The following CCSER1 variants were observed in gnomAD, a reference collection of about 807,000 sequenced individuals.
CCSER1 encodes coiled-coil serine rich protein 1.
CCSER1 carries 41 observed loss-of-function variants against 82.0 expected under a neutral mutation model. That is an observed-to-expected ratio of 0.50 (90% CI 0.39 to 0.65). CCSER1 has a LOEUF of 0.65. Among genes scored for constraint, CCSER1 ranks in the 30% least tolerant of loss-of-function variants. The probability of loss-of-function intolerance (pLI) is 0.00; values close to 1 mark genes in which losing one functional copy is unlikely to be tolerated. For missense variants in CCSER1, 1,119 were observed against 1,064.2 expected, an observed-to-expected ratio of 1.05 and a Z score of -0.72; for synonymous variants, 414 against 383.9, an observed-to-expected ratio of 1.08 and a Z score of -0.92.
chr4:91,585,889 G>A (rs1171875937), intron 10 of CCSER1, among the ~76,000 whole-genome samples: 3 of 151,640 alleles, frequency 2.0e-5, no homozygotes, highest in East Asian at 1.9e-4. Flanking sequence ...AAATTCAGTA[G>A]GAAGGTATTG....
At position 90,930,528 on chromosome 4, in the gene CCSER1, T is replaced by C. The variant is rs190040398; in HGVS notation, c.2172+7081T>C. ...CTCAGAGACTGAGGCAGGAGAATGG[T>C]GTAAAACCAGGGAGGCGTAGCTTGC... On this transcript the variant is annotated intron_variant, in intron 9 of 10. Coordinates refer to ENST00000509176, the MANE Select transcript of CCSER1 (RefSeq NM_001145065.2). Among the ~76,000 whole-genome samples, 102 of 151,618 alleles carry C rather than the reference T, an allele frequency of 6.7e-4. 1 individual carries two copies. Among genetic ancestry groups the C allele is most frequent in the African/African-American group, 2.3e-3 (94 of 41,300 alleles).
At chr4:90,415,031 A>G (rs979624911) in intron 4 of CCSER1, among the ~76,000 whole-genome samples, 4 of 152,228 alleles carry the variant, frequency 2.6e-5, no homozygotes, top group African/African-American at 9.6e-5. Flanking sequence ...GATAAGGTTA[A>G]GGCACAAAAA....
At chr4:91,289,784 A>T (rs1249456995) in intron 10 of CCSER1, among the ~76,000 whole-genome samples, 13 of 152,162 alleles carry the variant, frequency 8.5e-5, no homozygotes, top group Admixed American at 6.6e-4. Flanking sequence ...GAAGAGAGAA[A>T]ACAATAAAGA....
At chr4:91,459,635 C>G (rs1756389036) in intron 10 of CCSER1, among the ~76,000 whole-genome samples, 1 of 151,810 alleles carries the variant, frequency 6.6e-6, no homozygotes, top group Admixed American at 6.6e-5. Context: ...ATCAGAAGTT[C>G]TTGGGAAAAA....
At chr4:90,178,263 G>T (rs550243444) in intron 1 of CCSER1, among the ~76,000 whole-genome samples, 1 of 152,078 alleles carries the variant, frequency 6.6e-6, no homozygotes, top group African/African-American at 2.4e-5. Flanking sequence ...GGAATTTCAT[G>T]GTTGCTTTTG....
At chr4:90,909,415 C>T (rs1223081776) in intron 8 of CCSER1, among the ~76,000 whole-genome samples, 6 of 152,090 alleles carry the variant, frequency 3.9e-5, no homozygotes, top group Non-Finnish European at 7.4e-5. Flanking sequence ...CAGCACACAT[C>T]TATACTTCAC....
chr4:91,049,407 A>G (rs1165833788), intron 9 of CCSER1, among the ~76,000 whole-genome samples: 1 of 152,210 alleles, frequency 6.6e-6, no homozygotes, highest in African/African-American at 2.4e-5. Context: ...ACAAATGGTG[A>G]TATCAGGAAT....
At chr4:90,686,355 T>C (rs1734816832) in intron 6 of CCSER1, among the ~76,000 whole-genome samples, 2 of 152,108 alleles carry the variant, frequency 1.3e-5, no homozygotes, top group East Asian at 3.9e-4. Context: ...TTGTCTCCTT[T>C]ACTAGATGAA....
intron 10 of CCSER1, among the ~76,000 whole-genome samples, chr4:91,252,417 G>A (rs1316064070): frequency 6.6e-6 from 1 of 152,018 alleles, no homozygotes; most frequent in African/African-American, 2.4e-5. Context: ...TTTAAATAAA[G>A]ATAAGTACAT....
intron 10 of CCSER1, among the ~76,000 whole-genome samples, chr4:91,441,706 G>A (rs1482634722): frequency 1.3e-5 from 2 of 152,136 alleles, no homozygotes; most frequent in Non-Finnish European, 2.9e-5. Flanking sequence ...TGACATGACT[G>A]TATATCTAGA....
intron 6 of CCSER1, among the ~76,000 whole-genome samples, chr4:90,698,404 T>G (rs1346375308): frequency 1.3e-5 from 2 of 152,132 alleles, no homozygotes; most frequent in Non-Finnish European, 2.9e-5. Flanking sequence ...CAGGAACTCT[T>G]AAGATAAAAT....
intron 10 of CCSER1, among the ~76,000 whole-genome samples, chr4:91,464,008 A>G (rs1438608702): frequency 1.3e-5 from 2 of 152,196 alleles, no homozygotes; most frequent in Non-Finnish European, 2.9e-5. Flanking sequence ...AGAGAATGCC[A>G]CAAAGATATT....
chr4:90,313,749 C>T (rs1001779385), intron 3 of CCSER1, among the ~76,000 whole-genome samples: 9 of 151,988 alleles, frequency 5.9e-5, no homozygotes, highest in South Asian at 2.1e-4. Flanking sequence ...AGATGAGGGG[C>T]GAACTGCAGC....
intron 9 of CCSER1, among the ~76,000 whole-genome samples, chr4:90,990,072 G>A (rs1736899225): frequency 6.6e-6 from 1 of 151,854 alleles, no homozygotes; most frequent in South Asian, 2.1e-4. Context: ...ACATTATGAA[G>A]TGGGTCCTTA....
intron 10 of CCSER1, among the ~76,000 whole-genome samples, chr4:91,389,352 G>A (rs536149857): frequency 2.6e-5 from 4 of 151,874 alleles, no homozygotes; most frequent in Admixed American, 6.6e-5. Flanking sequence ...CCATTGTATT[G>A]CCACTGCTCC....
chr4:91,058,612 G>A (rs1162056230), intron 9 of CCSER1, among the ~76,000 whole-genome samples: 1 of 151,776 alleles, frequency 6.6e-6, no homozygotes, highest in Non-Finnish European at 1.5e-5. Flanking sequence ...TTCATCCTCA[G>A]GAGTCTTATC....
In CCSER1 at chr4:91,603,520, A is replaced by C. The variant is rs1764883709; in HGVS notation, c.*4463A>C. 6.6e-6 allele frequency: 1 copy of C among 152,110 alleles called. No individual in the cohort carries two copies. Among genetic ancestry groups the C allele is most frequent in the African/African-American group, 2.4e-5 (1 of 41,442 alleles). The allele number at this position is 152,110 out of a possible 1,614,324, so 9.4% of individuals were successfully genotyped here. ...AGGTGAAATAAAATCATTAATAGAG[A>C]GTAGGTTCCTTCCATTTGAGTAAGT... On this transcript the variant is annotated 3_prime_UTR_variant, in exon 11 of 11. Coordinates refer to ENST00000509176, the MANE Select transcript of CCSER1 (RefSeq NM_001145065.2).
intron 10 of CCSER1, among the ~76,000 whole-genome samples, chr4:91,099,225 A>G (rs1244033864): frequency 6.6e-6 from 1 of 152,202 alleles, no homozygotes; most frequent in Non-Finnish European, 1.5e-5. Flanking sequence ...ATAGTTTAGT[A>G]GAATAAGAAA....
chr4:90,604,539 A>T (rs1386589547), intron 5 of CCSER1, among the ~76,000 whole-genome samples: 1 of 152,228 alleles, frequency 6.6e-6, no homozygotes, highest in Non-Finnish European at 1.5e-5. Context: ...TGTGCTTAGC[A>T]TATTGTTACA....
Sources: allele counts gnomAD v4.1 joint callset (sites outside exome capture counted in the v4.1 genomes callset), GRCh38; gene constraint gnomAD v4.1.1; transcripts MANE v1.5; gene names NCBI Gene and HGNC (gene_info 2026-07-23, HGNC 2026-07-21).